ZDHHC11B: variants seen among roughly 807,000 people sequenced by gnomAD.
ZDHHC11B encodes zDHHC palmitoyltransferase 11B (putative), also known as probable palmitoyltransferase ZDHHC11B.
In ZDHHC11B, 17 loss-of-function variants were observed where a neutral mutation model predicts 42.3. The observed-to-expected ratio is 0.40, with a 90% CI of 0.27 to 0.60. The LOEUF (loss-of-function observed/expected upper bound fraction) is 0.60. Ranked by LOEUF, ZDHHC11B falls within the 20% of genes least tolerant of loss-of-function variation. ZDHHC11B has a pLI of 0.41. For synonymous variants in ZDHHC11B, 123 were observed against 193.5 expected (o/e 0.64, Z 3.02); for missense variants, 262 against 463.2 (o/e 0.57, Z 3.99).
intron 12 of ZDHHC11B, among the ~76,000 whole-genome samples, chr5:728,801 A>G (rs4307129): frequency 1.4e-5 from 2 of 147,938 alleles, no homozygotes; most frequent in Admixed American, 1.4e-4. Context: ...GCAGGCAAAT[A>G]GCTTGAGCTC....
At chr5:728,503 G>A (rs1451954010) in intron 12 of ZDHHC11B, among the ~76,000 whole-genome samples, 1 of 151,856 alleles carries the variant, frequency 6.6e-6, no homozygotes, top group East Asian at 1.9e-4. Context: ...CTAAGCCACG[G>A]TATATGCACA....
At chr5:751,717 A>C (rs1482982031) in intron 6 of ZDHHC11B, among the ~76,000 whole-genome samples, 1 of 128,150 alleles carries the variant, frequency 7.8e-6, no homozygotes, top group East Asian at 3.3e-4. Context: ...CTGGAAGCTC[A>C]GGCTCCTGTC....
rs373350423 is a variant in ZDHHC11B at position 756,908 on chromosome 5, C to G, written c.223-764G>C. 7.6e-4 allele frequency among the ~76,000 whole-genome samples: 116 copies of G among 151,746 alleles called. 2 individuals are homozygous for G. Among genetic ancestry groups the G allele is most frequent in the African/African-American group, 2.6e-3 (109 of 41,332 alleles). On this transcript the variant is annotated intron_variant, in intron 4 of 13. Coordinates refer to ENST00000508859, the MANE Select transcript of ZDHHC11B (RefSeq NM_001351303.2). ...GACTCATTCAGGGACTCCAGACTCT[C>G]TCAGGGAGCCCAGACTCACTCAGGG...
intron 4 of ZDHHC11B, among the ~76,000 whole-genome samples, chr5:765,737 G>C (rs544752493): frequency 1.2e-4 from 18 of 151,978 alleles, no homozygotes; most frequent in African/African-American, 4.3e-4. Flanking sequence ...CTTCATTCCT[G>C]AACCAGGGAT....
intron 12 of ZDHHC11B, 139 bp downstream of exon 12, chr5:730,295 T>C: frequency 9.1e-7 from 1 of 1,096,404 alleles, no homozygotes; most frequent in South Asian, 1.7e-5. Context: ...GCTATAAATG[T>C]TCAGTGAAGC....
At chr5:733,880 T>G in intron 10 of ZDHHC11B, 41 bp from the exon 11 acceptor site, 2 of 1,558,056 alleles carry the variant, frequency 1.3e-6, no homozygotes, top group Non-Finnish European at 1.8e-6. Context: ...ATCTCAGCTT[T>G]GTGGGGGGGC....
At chr5:715,304 G>A (rs1439758686) in intron 13 of ZDHHC11B, among the ~76,000 whole-genome samples, 47 of 149,958 alleles carry the variant, frequency 3.1e-4, no homozygotes, top group Middle Eastern at 3.2e-3. Context: ...TTGATGCTTC[G>A]GCCAAGCGTC....
intron 6 of ZDHHC11B, among the ~76,000 whole-genome samples, chr5:753,044 C>T (rs1443817575): frequency 1.6e-5 from 2 of 127,750 alleles, no homozygotes; most frequent in African/African-American, 5.0e-5. Context: ...CAGCCTCCTG[C>T]CCCTGCTGCC....
chr5:759,587 G>T (rs1166799196), intron 4 of ZDHHC11B, among the ~76,000 whole-genome samples: 1 of 152,098 alleles, frequency 6.6e-6, no homozygotes, highest in African/African-American at 2.4e-5. Flanking sequence ...AGACGCTGTG[G>T]TGGCGGCGGA....
At chr5:777,825 C>T (rs1361617885) in intron 1 of ZDHHC11B, among the ~76,000 whole-genome samples, 14 of 152,056 alleles carry the variant, frequency 9.2e-5, no homozygotes, top group African/African-American at 2.9e-4. Flanking sequence ...GCCACGCGCC[C>T]GCACTCCTCA....
At chr5:770,257 G>A (rs1271214776) in intron 1 of ZDHHC11B, among the ~76,000 whole-genome samples, 14 of 150,428 alleles carry the variant, frequency 9.3e-5, no homozygotes, top group Non-Finnish European at 1.6e-4. Flanking sequence ...GGGGCTGGGC[G>A]TGAGGCCCCT....
chr5:754,886 G>C (rs1733597804), intron 6 of ZDHHC11B, 112 bp downstream of exon 6: 2 of 435,962 alleles, frequency 4.6e-6, no homozygotes, highest in Non-Finnish European at 6.4e-6. Context: ...CAGGGACGTG[G>C]CCCCAAGAGG....
chr5:715,663 T>C (rs1365203303), intron 13 of ZDHHC11B, among the ~76,000 whole-genome samples: 2 of 151,786 alleles, frequency 1.3e-5, no homozygotes, highest in African/African-American at 2.4e-5. Context: ...GTGCTATGCA[T>C]CTCAAACGCC....
At chr5:762,679 C>A (rs1169281280) in intron 4 of ZDHHC11B, among the ~76,000 whole-genome samples, 1 of 151,776 alleles carries the variant, frequency 6.6e-6, no homozygotes, top group African/African-American at 2.4e-5. Flanking sequence ...ACAGAAAATA[C>A]ATAGCTTTAA....
chr5:718,570 C>A (rs1185387396), intron 12 of ZDHHC11B, among the ~76,000 whole-genome samples: 1 of 151,388 alleles, frequency 6.6e-6, no homozygotes, highest in Non-Finnish European at 1.5e-5. Flanking sequence ...GTGGTGAGTG[C>A]CTGTAGTCCC....
At chr5:752,072 A>G (rs116045521) in intron 6 of ZDHHC11B, among the ~76,000 whole-genome samples, 7,389 of 119,922 alleles carry the variant, frequency 0.062, 819 homozygotes, top group African/African-American at 0.19. Context: ...AGGAGCACGC[A>G]GGCTGGGTCC....
intron 7 of ZDHHC11B, among the ~76,000 whole-genome samples, chr5:750,669 C>A (rs1327306695): frequency 8.0e-6 from 1 of 124,504 alleles, no homozygotes; most frequent in African/African-American, 2.7e-5. Context: ...GAGGCCCAGG[C>A]TCCGGGCCCA....
chr5:733,171 C>T (rs1198792408), intron 11 of ZDHHC11B, among the ~76,000 whole-genome samples: 1 of 149,920 alleles, frequency 6.7e-6, no homozygotes, highest in Non-Finnish European at 1.5e-5. Flanking sequence ...GAAGGATGGA[C>T]ACAGAGTCCA....
intron 7 of ZDHHC11B, among the ~76,000 whole-genome samples, chr5:750,350 C>G (rs2335606): frequency 0.012 from 1,388 of 120,534 alleles, 291 homozygotes; most frequent in African/African-American, 0.041. Context: ...GTCCTCCCAC[C>G]TCTGCGAGCT....
Sources: gnomAD v4.1 joint callset for allele counts (sites outside exome capture counted in the v4.1 genomes callset) on GRCh38, gnomAD v4.1.1 for gene constraint, MANE v1.5 for transcripts, NCBI Gene and HGNC (gene_info 2026-07-23, HGNC 2026-07-21) for gene names.